LRP1B: variants seen among roughly 807,000 people sequenced by gnomAD.
LRP1B encodes the protein low-density lipoprotein receptor-related protein 1B.
LRP1B carries 217 observed loss-of-function variants against 556.6 expected under a neutral mutation model. The observed-to-expected ratio is 0.39, with a 90% CI of 0.35 to 0.44. The LOEUF (loss-of-function observed/expected upper bound fraction) is 0.44. LRP1B is among the 20% of genes least tolerant of loss of function. The pLI, the probability that LRP1B is intolerant of heterozygous loss-of-function variation, is 1.00. For missense variants in LRP1B, 5,053 were observed against 5,620.8 expected (o/e 0.90, Z 3.23); for synonymous variants, 2,047 against 1,865.8 (o/e 1.10, Z -2.50).
chr2:140,291,320 T>A (rs12987228), intron 84 of LRP1B, among the ~76,000 whole-genome samples: 1,552 of 50,142 alleles, frequency 0.031, 85 homozygotes, highest in South Asian at 0.047. Flanking sequence ...ATATATATAT[T>A]TTTATTATAC....
At chr2:140,905,201 C>T (rs1694214621) in intron 22 of LRP1B, among the ~76,000 whole-genome samples, 1 of 152,012 alleles carries the variant, frequency 6.6e-6, no homozygotes, top group Non-Finnish European at 1.5e-5. Flanking sequence ...ATGATTTCAT[C>T]CTGCTGCCCT....
intron 47 of LRP1B, among the ~76,000 whole-genome samples, chr2:140,529,842 A>G (rs1196070332): frequency 6.6e-6 from 1 of 152,026 alleles, no homozygotes; most frequent in Non-Finnish European, 1.5e-5. Flanking sequence ...GAAGAGGAGT[A>G]CAAAATGACG....
intron 1 of LRP1B, among the ~76,000 whole-genome samples, chr2:141,900,016 C>T (rs1291691043): frequency 1.3e-5 from 2 of 152,022 alleles, no homozygotes; most frequent in African/African-American, 2.4e-5. Context: ...GATGAACACG[C>T]TCTCTGGAAT....
chr2:140,398,085 T>C (rs1393335918), intron 66 of LRP1B, among the ~76,000 whole-genome samples: 2 of 152,174 alleles, frequency 1.3e-5, no homozygotes, highest in Admixed American at 6.6e-5. Context: ...CAATCAATAA[T>C]TATGAATAGG....
chr2:141,037,072 A>G (rs1022533640), intron 11 of LRP1B, among the ~76,000 whole-genome samples: 26 of 152,052 alleles, frequency 1.7e-4, no homozygotes, highest in Non-Finnish European at 3.4e-4. Flanking sequence ...AACAGGTCAC[A>G]GCATTCTACC....
At chr2:140,488,161 C>A (rs1321896916) in intron 57 of LRP1B, among the ~76,000 whole-genome samples, 1 of 151,914 alleles carries the variant, frequency 6.6e-6, no homozygotes, top group Non-Finnish European at 1.5e-5. Flanking sequence ...GGTAGATCAT[C>A]TGATTAAGAT....
chr2:140,450,941 G>A (rs1379518197), intron 62 of LRP1B, among the ~76,000 whole-genome samples: 1 of 152,124 alleles, frequency 6.6e-6, no homozygotes, highest in African/African-American at 2.4e-5. Context: ...TTTGTGGTTG[G>A]TTAGTTGGCT....
chr2:140,623,729 G>A (rs922052719), intron 41 of LRP1B, among the ~76,000 whole-genome samples: 15 of 151,690 alleles, frequency 9.9e-5, no homozygotes, highest in Non-Finnish European at 2.1e-4. Context: ...GACCAGCCTG[G>A]GCAACATAGT....
intron 1 of LRP1B, among the ~76,000 whole-genome samples, chr2:142,054,712 C>G (rs1704597533): frequency 6.6e-6 from 1 of 152,010 alleles, no homozygotes; most frequent in South Asian, 2.1e-4. Flanking sequence ...CTACTGTATA[C>G]CATAGACTGC....
chr2:141,059,279 C>A (rs1157566917), intron 8 of LRP1B, among the ~76,000 whole-genome samples: 1 of 151,640 alleles, frequency 6.6e-6, no homozygotes, highest in Non-Finnish European at 1.5e-5. Flanking sequence ...AATGTAGGGA[C>A]AGAATTGTAT....
intron 3 of LRP1B, among the ~76,000 whole-genome samples, chr2:141,267,586 A>G (rs1448525436): frequency 6.6e-6 from 1 of 152,158 alleles, no homozygotes; most frequent in Admixed American, 6.5e-5. Context: ...ATTAATAATA[A>G]AATAACCAAT....
intron 35 of LRP1B, among the ~76,000 whole-genome samples, chr2:140,720,441 G>A (rs1417801586): frequency 2.6e-5 from 4 of 151,796 alleles, no homozygotes; most frequent in Admixed American, 6.6e-5. Context: ...TAGGGAAATC[G>A]GCAGCCAGCT....
chr2:141,950,942 A>C (rs901605625), intron 1 of LRP1B, among the ~76,000 whole-genome samples: 1 of 152,072 alleles, frequency 6.6e-6, no homozygotes, highest in Non-Finnish European at 1.5e-5. Context: ...GCTTGGTTGA[A>C]GTCTTGGAGG....
chr2:141,957,392 G>C lies in LRP1B; in HGVS notation c.83-146991C>G, dbSNP rs1230615561. ...TTCGTGTTTGTGTGTGTGGGGGGGG[G>C]GGGGCGGGGGGGTGTACACTCCCAG... On this transcript the variant is annotated intron_variant, in intron 1 of 90. Coordinates refer to ENST00000389484, the MANE Select transcript of LRP1B (RefSeq NM_018557.3). 7.3e-5 allele frequency among the ~76,000 whole-genome samples: 9 copies of C among 123,582 alleles called. No homozygotes were observed. The South Asian group carries it at 1.3e-3, about 18-fold the overall frequency. The allele number at this position is 123,582 out of a possible 152,430, so 81.1% of individuals were successfully genotyped here. A position where few individuals can be genotyped will look rare whatever the true frequency, so the allele number is the denominator to read the frequency against.
chr2:140,885,586 C>T (rs1466038305), intron 24 of LRP1B, among the ~76,000 whole-genome samples: 5 of 151,760 alleles, frequency 3.3e-5, no homozygotes, highest in Non-Finnish European at 5.9e-5. Context: ...CCTGACCTCA[C>T]GTGATCTGCC....
intron 32 of LRP1B, among the ~76,000 whole-genome samples, chr2:140,784,176 A>G (rs184432307): frequency 7.2e-4 from 109 of 152,194 alleles, no homozygotes; most frequent in African/African-American, 2.4e-3. Flanking sequence ...GACTTTTTCA[A>G]ATCTCCCACC....
chr2:140,280,752 A>C (rs899140840), intron 84 of LRP1B, among the ~76,000 whole-genome samples: 1 of 151,946 alleles, frequency 6.6e-6, no homozygotes, highest in Non-Finnish European at 1.5e-5. Flanking sequence ...CCATCTCATA[A>C]GTTTTGAGCA....
chr2:140,526,439 A>G, intron 47 of LRP1B, 89 bp from the exon 48 acceptor site: 2 of 931,882 alleles, frequency 2.1e-6, no homozygotes, highest in Non-Finnish European at 3.3e-6. Flanking sequence ...ATTTTATATA[A>G]TTTTGTTTGG....
intron 60 of LRP1B, among the ~76,000 whole-genome samples, chr2:140,469,197 A>G (rs890874148): frequency 2.6e-5 from 4 of 152,192 alleles, no homozygotes; most frequent in African/African-American, 9.6e-5. Context: ...GACAGTACTA[A>G]GAGGCGGGCC....
Sources: gnomAD v4.1 joint callset for allele counts (sites outside exome capture counted in the v4.1 genomes callset) on GRCh38, gnomAD v4.1.1 for gene constraint, MANE v1.5 for transcripts, NCBI Gene and HGNC (gene_info 2026-07-23, HGNC 2026-07-21) for gene names.